Variants in GFRA1 observed in about 807,000 individuals in gnomAD.
GFRA1 encodes the protein GDNF family receptor alpha-1.
A neutral mutation model predicts 51.6 loss-of-function variants in GFRA1; 16 were observed. That is an observed-to-expected ratio of 0.31 (90% CI 0.21 to 0.47). The LOEUF is 0.47. GFRA1 is among the 20% of genes least tolerant of loss of function. The pLI, the probability that GFRA1 is intolerant of heterozygous loss-of-function variation, is 1.00. For synonymous variants in GFRA1, 270 were observed against 241.3 expected, an observed-to-expected ratio of 1.12 and a Z score of -1.10; for missense variants, 530 against 594.3, an observed-to-expected ratio of 0.89 and a Z score of 1.13.
chr10:116,165,665 T>TCACACACACACACACACACACA (rs56684075), intron 5 of GFRA1, among the ~76,000 whole-genome samples: 110 of 149,554 alleles, frequency 7.4e-4, no homozygotes, highest in African/African-American at 2.6e-3. Flanking sequence ...TCTCTCACTC[T>TCACACACACACACACACACACA]CACACACACA....
intron 4 of GFRA1, among the ~76,000 whole-genome samples, chr10:116,233,125 G>A (rs1050859766): frequency 1.1e-4 from 16 of 150,514 alleles, no homozygotes; most frequent in Non-Finnish European, 2.1e-4. Flanking sequence ...TCAGGAGTTC[G>A]AGACCAGCCT....
chr10:116,106,579 A>G (rs974437588), intron 6 of GFRA1, among the ~76,000 whole-genome samples: 1 of 148,952 alleles, frequency 6.7e-6, no homozygotes, highest in African/African-American at 2.5e-5. Flanking sequence ...CCTCTTGGGT[A>G]GCGAGTAGGT....
rs1288691640 is a variant in GFRA1 at position 116,125,228 on chromosome 10, T to G, written c.763A>C (p.Ile255Leu). Residue 255 changes from isoleucine to leucine, a missense_variant, in exon 6 of 11, where the codon ATC becomes CTC. By Grantham distance (5) the Ile-to-Leu change is conservative (BLOSUM62 2). Coordinates refer to ENST00000355422, the MANE Select transcript of GFRA1 (RefSeq NM_005264.8). ...NLQDSCKTNY[I>L]CRSRLADFFT... is the part of the protein sequence containing the mutation. Reference sequence around the variant, plus strand: ...CTGCCAGTGCCCACTTACCTGCAGATGTAATTCGTCTTGCAGGAGTCCTGC... The same window carrying G: ...CTGCCAGTGCCCACTTACCTGCAGAGGTAATTCGTCTTGCAGGAGTCCTGC... 1.2e-6 allele frequency: 2 copies of G among 1,613,546 alleles called. No homozygotes were observed. The highest frequency in any genetic ancestry group is 1.7e-5 in the Admixed American group (1 of 60,026).
intron 4 of GFRA1, among the ~76,000 whole-genome samples, chr10:116,264,047 C>T: frequency 6.6e-6 from 1 of 152,104 alleles, no homozygotes; most frequent in Non-Finnish European, 1.5e-5. Context: ...TTTGAGTTAA[C>T]TGAGACACCG....
intron 5 of GFRA1, among the ~76,000 whole-genome samples, chr10:116,186,949 G>A (rs1216030513): frequency 2.0e-5 from 3 of 152,074 alleles, no homozygotes; most frequent in Admixed American, 6.5e-5. Flanking sequence ...ACTGGAAGGC[G>A]ACCTGCTCAC....
intron 5 of GFRA1, among the ~76,000 whole-genome samples, chr10:116,158,245 C>T (rs908241397): frequency 3.3e-5 from 5 of 152,138 alleles, no homozygotes; most frequent in African/African-American, 9.7e-5. Flanking sequence ...GGCAATTTAG[C>T]GAGAGAATCA....
At chr10:116,080,321 T>A (rs529944123) in intron 9 of GFRA1, among the ~76,000 whole-genome samples, 19 of 152,292 alleles carry the variant, frequency 1.2e-4, no homozygotes, top group African/African-American at 4.6e-4. Context: ...GTTTAATGGC[T>A]ACTAAGTGGT....
chr10:116,250,257 A>G (rs999044878), intron 4 of GFRA1, among the ~76,000 whole-genome samples: 5 of 152,186 alleles, frequency 3.3e-5, no homozygotes, highest in African/African-American at 1.2e-4. Flanking sequence ...CTCCTGGGGC[A>G]TCGCCATTCT....
At chr10:116,121,233 C>T (rs1957628589) in intron 6 of GFRA1, among the ~76,000 whole-genome samples, 1 of 152,194 alleles carries the variant, frequency 6.6e-6, no homozygotes, top group African/African-American at 2.4e-5. Flanking sequence ...CAAACCAGTC[C>T]TGACATCCTT....
chr10:116,240,289 G>A (rs1216702967), intron 4 of GFRA1, among the ~76,000 whole-genome samples: 1 of 152,112 alleles, frequency 6.6e-6, no homozygotes, highest in African/African-American at 2.4e-5. Flanking sequence ...TGCTGGAAGA[G>A]AAGACCTCTC....
intron 5 of GFRA1, among the ~76,000 whole-genome samples, chr10:116,158,569 T>A (rs1245069379): frequency 6.6e-6 from 1 of 151,894 alleles, no homozygotes; most frequent in Non-Finnish European, 1.5e-5. Context: ...GAATGTGGAG[T>A]AAGGCCAGAC....
At chr10:116,235,562 T>C (rs1048407627) in intron 4 of GFRA1, among the ~76,000 whole-genome samples, 1 of 152,088 alleles carries the variant, frequency 6.6e-6, no homozygotes, top group Non-Finnish European at 1.5e-5. Flanking sequence ...GGGTTGAGAC[T>C]GTGGGGGGTG....
chr10:116,087,187 G>C (rs1316251700), intron 9 of GFRA1, among the ~76,000 whole-genome samples: 2 of 152,172 alleles, frequency 1.3e-5, no homozygotes, highest in African/African-American at 2.4e-5. Context: ...CTCCTTGCAG[G>C]GAAAGGTGTT....
intron 5 of GFRA1, among the ~76,000 whole-genome samples, chr10:116,172,463 G>C (rs1961126460): frequency 6.6e-6 from 1 of 152,146 alleles, no homozygotes. Flanking sequence ...AAATAGTAAG[G>C]CTGTCAATGA....
intron 6 of GFRA1, 34 bp downstream of exon 6, chr10:116,125,187 C>A (rs1174081575): frequency 1.9e-6 from 3 of 1,560,438 alleles, no homozygotes; most frequent in South Asian, 1.1e-5. Context: ...TTCCCTGTCA[C>A]CTCATTAATC....
chr10:116,117,574 T>G, intron 6 of GFRA1, among the ~76,000 whole-genome samples: 1 of 148,564 alleles, frequency 6.7e-6, no homozygotes, highest in African/African-American at 2.5e-5. Flanking sequence ...GATGGATGGA[T>G]GGATGGATGG....
intron 9 of GFRA1, among the ~76,000 whole-genome samples, chr10:116,077,578 C>G (rs1347502679): frequency 6.6e-6 from 1 of 152,210 alleles, no homozygotes; most frequent in Non-Finnish European, 1.5e-5. Context: ...TGAAGATGCT[C>G]AAGCCCATTA....
chr10:116,090,738 T>TA (rs1019187983), intron 8 of GFRA1, among the ~76,000 whole-genome samples: 39 of 152,130 alleles, frequency 2.6e-4, no homozygotes, highest in African/African-American at 5.6e-4. Flanking sequence ...GGTTTTTTTT[T>TA]ATTTCATATT....
At chr10:116,230,334 G>C (rs1305328702) in intron 4 of GFRA1, among the ~76,000 whole-genome samples, 2 of 152,158 alleles carry the variant, frequency 1.3e-5, no homozygotes, top group Non-Finnish European at 2.9e-5. Context: ...TAGAGCTGAG[G>C]AAACTGACGC....
Sources: gnomAD v4.1 joint callset for allele counts (sites outside exome capture counted in the v4.1 genomes callset) on GRCh38, gnomAD v4.1.1 for gene constraint, MANE v1.5 for transcripts, NCBI Gene and HGNC (gene_info 2026-07-23, HGNC 2026-07-21) for gene names.